SCARA3: variants seen among roughly 807,000 people sequenced by gnomAD.
SCARA3 encodes the protein scavenger receptor class A member 3.
SCARA3 carries 39 observed loss-of-function variants against 47.0 expected under a neutral mutation model. The observed-to-expected ratio is 0.83, with a 90% CI of 0.64 to 1.08. The LOEUF is 1.08. Ranked by LOEUF, SCARA3 falls within the 50% of genes least tolerant of loss-of-function variation. The probability of loss-of-function intolerance (pLI) is 0.00; values close to 1 mark genes in which losing one functional copy is unlikely to be tolerated. For missense variants in SCARA3, 724 were observed against 792.3 expected (o/e 0.91, Z 1.04); for synonymous variants, 356 against 334.1 (o/e 1.07, Z -0.71).
chr8:27,667,242 C>T (rs1295135065), intron 5 of SCARA3, among the ~76,000 whole-genome samples: 4 of 152,228 alleles, frequency 2.6e-5, no homozygotes, highest in Admixed American at 1.3e-4. Context: ...GACCAGGTCA[C>T]GCCTGCTGTC....
the SCARA3 span, among the ~76,000 whole-genome samples, chr8:27,689,921 C>T: frequency 5.3e-5 from 8 of 152,156 alleles, no homozygotes; most frequent in Admixed American, 1.3e-4. Context: ...GCCAGGAATT[C>T]AAGACCAGCC....
chr8:27,675,407 G>A (rs1802259486), downstream of SCARA3, among the ~76,000 whole-genome samples: 1 of 152,248 alleles, frequency 6.6e-6, no homozygotes, highest in Non-Finnish European at 1.5e-5. Flanking sequence ...GGGATTGTTT[G>A]ACCTGCAGGA....
chr8:27,646,966 G>GCGCCCCCCCCCCCCCCCCCCAC (rs1801509553), intron 1 of SCARA3, among the ~76,000 whole-genome samples: 1 of 29,844 alleles, frequency 3.4e-5, no homozygotes, highest in Non-Finnish European at 5.9e-5. Context: ...ACCCCTGACC[G>GCGCCCCCCCCCCCCCCCCCCAC]CCCCCGCCCC....
chr8:27,659,385 C>A lies in SCARA3; in HGVS notation c.1215C>A (p.Ile405=). ...ELYYLNKSVS[I]MLGTTDLLRE... ...ACTACCTGAACAAGTCTGTCTCCAT[C>A]ATGCTGGGCACCACAGACCTGCTCC... is the stretch of plus-strand genomic sequence containing the variant. Residue 405 remains isoleucine (I), a synonymous_variant, in exon 5 of 6, where the codon ATC becomes ATA. Coordinates refer to ENST00000301904, the MANE Select transcript of SCARA3 (RefSeq NM_016240.3). 1 of 1,614,090 alleles carries A rather than the reference C, an allele frequency of 6.2e-7. No homozygotes were observed. Among genetic ancestry groups the A allele is most frequent in the Non-Finnish European group, 8.5e-7 (1 of 1,179,966 alleles).
chr8:27,658,447 C>G (rs192364291), intron 4 of SCARA3, 49 bp from the exon 5 acceptor site: 1 of 1,489,110 alleles, frequency 6.7e-7, no homozygotes, highest in Admixed American at 2.2e-5. Context: ...GAGGAAGCGT[C>G]GTACCCTGGC....
chr8:27,690,335 G>T, the SCARA3 span, among the ~76,000 whole-genome samples: 1 of 152,080 alleles, frequency 6.6e-6, no homozygotes, highest in Non-Finnish European at 1.5e-5. Context: ...CAAAACGCTC[G>T]TGCCCTTGAC....
the SCARA3 span, among the ~76,000 whole-genome samples, chr8:27,720,338 A>G: frequency 1.3e-5 from 2 of 150,596 alleles, no homozygotes; most frequent in East Asian, 4.1e-4. Flanking sequence ...CTTTAAGAAG[A>G]CTCTTAAGTA....
intron 1 of SCARA3, among the ~76,000 whole-genome samples, chr8:27,648,775 G>A (rs533681665): frequency 1.4e-5 from 2 of 145,756 alleles, no homozygotes; most frequent in South Asian, 2.4e-4. Context: ...CCAACAAAAC[G>A]GCAAAGAAAG....
chr8:27,665,278 G>A lies in SCARA3; in HGVS notation c.1370-5622G>A, dbSNP rs77898011. Among the ~76,000 whole-genome samples the A allele has an allele frequency of 2.7e-3, 405 of 152,328 alleles. 2 individuals are homozygous for A. The highest frequency in any genetic ancestry group is 9.6e-3 in the African/African-American group (398 of 41,568). ...AGCTGTAAATGAAGTGGTAAGACCAGCTGATCTCTGAGAACTATTCCAGCT... is the reference window on the plus strand; with the variant it reads ...AGCTGTAAATGAAGTGGTAAGACCAACTGATCTCTGAGAACTATTCCAGCT... On this transcript the variant is annotated intron_variant, in intron 5 of 5. Transcript: ENST00000301904.
At chr8:27,691,650 G>A in the SCARA3 span, among the ~76,000 whole-genome samples, 6 of 152,034 alleles carry the variant, frequency 3.9e-5, no homozygotes, top group Non-Finnish European at 7.4e-5. Context: ...GTCATGTGAG[G>A]GTTCTGTTCT....
At chr8:27,689,033 G>C in the SCARA3 span, among the ~76,000 whole-genome samples, 30 of 152,246 alleles carry the variant, frequency 2.0e-4, no homozygotes, top group East Asian at 5.8e-3. Flanking sequence ...AGCCCCCAAG[G>C]CACCTCCTTA....
In SCARA3 at chr8:27,671,685, CACACAT is replaced by C. The variant is rs1802166954; in HGVS notation, c.*340_*345del. On this transcript the variant is annotated 3_prime_UTR_variant, in exon 6 of 6. Transcript: ENST00000301904. ...ACACACACATGCACACATACACGTG[CACACAT>C]ACACAGGCACACATGCATGCACACA... The C allele has an allele frequency of 9.2e-7, 1 of 1,083,486 alleles. No homozygotes were observed. Among genetic ancestry groups the C allele is most frequent in the South Asian group, 4.5e-5 (1 of 22,334 alleles). 67.1% of individuals were successfully genotyped at this position (1,083,486 alleles called of 1,614,324 possible).
At chr8:27,707,317 A>G in the SCARA3 span, among the ~76,000 whole-genome samples, 2 of 152,168 alleles carry the variant, frequency 1.3e-5, no homozygotes, top group Non-Finnish European at 2.9e-5. Context: ...CCAAAGTGAT[A>G]AGCTACACAG....
chr8:27,692,060 G>C, the SCARA3 span, among the ~76,000 whole-genome samples: 1,457 of 152,208 alleles, frequency 9.6e-3, 20 homozygotes, highest in African/African-American at 0.031. Context: ...AGGGGGAGTT[G>C]GACATACCTC....
chr8:27,670,848 G>C (rs890064586), intron 5 of SCARA3, 52 bp from the exon 6 acceptor site: 3 of 1,455,460 alleles, frequency 2.1e-6, no homozygotes, highest in South Asian at 2.8e-5. Flanking sequence ...GGCGAGCCTC[G>C]GGTGGGGAGC....
chr8:27,673,222 G>T (rs1204161024), downstream of SCARA3, among the ~76,000 whole-genome samples: 1 of 152,248 alleles, frequency 6.6e-6, no homozygotes, highest in African/African-American at 2.4e-5. Context: ...GAGAGAGCAG[G>T]AACAGAGGGG....
chr8:27,730,071 C>T, the SCARA3 span, among the ~76,000 whole-genome samples: 3 of 152,132 alleles, frequency 2.0e-5, no homozygotes, highest in Non-Finnish European at 4.4e-5. Flanking sequence ...CCTGTTCCCA[C>T]CCCCTCGCAC....
At chr8:27,634,244 C>T (rs753274458) in intron 1 of SCARA3, 37 bp downstream of exon 1, 3 of 1,331,442 alleles carry the variant, frequency 2.3e-6, no homozygotes, top group African/African-American at 3.0e-5. Context: ...CCGAGGGGGG[C>T]CGCCTGCACC....
At chr8:27,634,310 G>C (rs951132280) in intron 1 of SCARA3, 103 bp downstream of exon 1, 130 of 1,074,976 alleles carry the variant, frequency 1.2e-4, no homozygotes, top group Non-Finnish European at 1.5e-4. Flanking sequence ...CTGAGAGGAG[G>C]GCAGGGCGCC....
Sources: allele counts gnomAD v4.1 joint callset (sites outside exome capture counted in the v4.1 genomes callset), GRCh38; gene constraint gnomAD v4.1.1; transcripts MANE v1.5; gene names NCBI Gene and HGNC (gene_info 2026-07-23, HGNC 2026-07-21).